Variants in ADGRL2 observed in about 807,000 individuals in gnomAD.
The protein encoded by ADGRL2 is adhesion G protein-coupled receptor L2, also known as calcium-independent alpha-latrotoxin receptor 2.
ADGRL2 carries 44 observed loss-of-function variants against 157.4 expected under a neutral mutation model. The ratio of observed to expected loss-of-function variants is 0.28; its 90% CI spans 0.22 to 0.36. ADGRL2 has a LOEUF of 0.36. ADGRL2 is among the 10% of genes least tolerant of loss of function. ADGRL2 has a pLI of 1.00. For synonymous variants in ADGRL2, 585 were observed against 624.7 expected (o/e 0.94, Z 0.95); for missense variants, 1,510 against 1,768.9 (o/e 0.85, Z 2.63).
At chr1:81,505,740 CAAAAAA>C (rs59062091) in intron 2 of ADGRL2, among the ~76,000 whole-genome samples, 56 of 85,072 alleles carry the variant, frequency 6.6e-4, no homozygotes, top group South Asian at 1.8e-3. Flanking sequence ...TGTCCTCCTG[CAAAAAA>C]AAAAAAAAAA....
chr1:81,700,701 T>C (rs2083549559), intron 1 of ADGRL2, among the ~76,000 whole-genome samples: 1 of 152,206 alleles, frequency 6.6e-6, no homozygotes, highest in Non-Finnish European at 1.5e-5. Flanking sequence ...CTGTTCTGTA[T>C]ACTCCAGAAG....
In ADGRL2 at chr1:81,967,341, C is replaced by A. The variant is rs539478113; in HGVS notation, c.2350-685C>A. On this transcript the variant is annotated intron_variant, in intron 13 of 23. Coordinates refer to ENST00000686636, the MANE Select transcript of ADGRL2 (RefSeq NM_001366006.2). ...CGGTGGCGCGATCTCGGCTCACTGC[C>A]AGCTCCACCTCCCGGGTTCACGCCA... Among the ~76,000 whole-genome samples the A allele has an allele frequency of 5.3e-5, 8 of 151,722 alleles. No individual in the cohort carries two copies. The South Asian group carries it at 1.0e-3, about 20-fold the overall frequency.
intron 1 of ADGRL2, among the ~76,000 whole-genome samples, chr1:81,730,347 GA>G (rs2084676636): frequency 6.6e-6 from 1 of 151,920 alleles, no homozygotes; most frequent in South Asian, 2.1e-4. Flanking sequence ...GAAATCTTTG[GA>G]AATAAAATTT....
At chr1:81,965,365 T>A (rs1366762943) in intron 11 of ADGRL2, among the ~76,000 whole-genome samples, 1 of 152,224 alleles carries the variant, frequency 6.6e-6, no homozygotes, top group Non-Finnish European at 1.5e-5. Context: ...ACAAATGGCA[T>A]GCCAGGCTTG....
At chr1:81,503,057 T>C in intron 2 of ADGRL2, 1 of 1,610,250 alleles carries the variant, frequency 6.2e-7, no homozygotes, top group East Asian at 2.2e-5. Flanking sequence ...CTGGAGCAGC[T>C]GCGGGAGCGG....
intron 1 of ADGRL2, among the ~76,000 whole-genome samples, chr1:81,834,204 C>T (rs950275081): frequency 2.0e-5 from 3 of 152,116 alleles, no homozygotes; most frequent in African/African-American, 7.2e-5. Flanking sequence ...ATCCTAAGCT[C>T]TTTGATGTTC....
Position 81,467,018 on chromosome 1 carries a change from A to G in ADGRL2, c.-248+21929A>G, listed in dbSNP as rs1043122953. Among the ~76,000 whole-genome samples, 5 of 149,510 alleles carry G rather than the reference A, an allele frequency of 3.3e-5. No individual in the cohort carries two copies. In the East Asian group the frequency reaches 1.0e-3, roughly 31 times the overall value. On this transcript the variant is annotated intron_variant, in intron 2 of 24. Coordinates refer to the ADGRL2 transcript ENST00000370721. ...TTCACACCAGCCCTTTGCAGCTGCC[A>G]CCTCTAAGAAAGCAAATAAGCTACA...
intron 2 of ADGRL2, among the ~76,000 whole-genome samples, chr1:81,845,954 A>T (rs1325201817): frequency 6.6e-6 from 1 of 151,932 alleles, no homozygotes; most frequent in African/African-American, 2.4e-5. Flanking sequence ...TTAAAAATGT[A>T]TATCTTGATC....
intron 1 of ADGRL2, among the ~76,000 whole-genome samples, chr1:81,338,157 GT>G (rs1661788303): frequency 6.6e-6 from 1 of 152,116 alleles, no homozygotes; most frequent in Admixed American, 6.5e-5. Context: ...GAGGTCAGAA[GT>G]TCGCGACCAG....
intron 2 of ADGRL2, among the ~76,000 whole-genome samples, chr1:81,848,644 A>T (rs1434770575): frequency 6.6e-6 from 1 of 151,974 alleles, no homozygotes; most frequent in Non-Finnish European, 1.5e-5. Flanking sequence ...ATGAAAAACT[A>T]TGTTAAGATT....
chr1:81,686,534 A>G (rs2083231735), intron 3 of ADGRL2, among the ~76,000 whole-genome samples: 2 of 152,080 alleles, frequency 1.3e-5, no homozygotes, highest in Admixed American at 1.3e-4. Context: ...CTTCTTAGTT[A>G]ATCTTGCTAA....
At chr1:81,744,176 T>G (rs2149235634) in intron 1 of ADGRL2, among the ~76,000 whole-genome samples, 1 of 152,270 alleles carries the variant, frequency 6.6e-6, no homozygotes, top group South Asian at 2.1e-4. Flanking sequence ...ACAAAAACAC[T>G]TGTGTTTCTA....
chr1:81,784,771 A>G (rs991922425), intron 2 of ADGRL2, among the ~76,000 whole-genome samples: 13 of 151,626 alleles, frequency 8.6e-5, no homozygotes. Flanking sequence ...GATGCTTACT[A>G]AGCATCAAGA....
At chr1:81,954,559 G>A (rs1287754679) in intron 10 of ADGRL2, among the ~76,000 whole-genome samples, 1 of 152,170 alleles carries the variant, frequency 6.6e-6, no homozygotes, top group Admixed American at 6.6e-5. Context: ...AGAGGCTCCA[G>A]TCTGTATTTC....
rs187520527 is a variant in ADGRL2, at chr1:81,951,861, C to T, written c.1609-96C>T. 2.5e-4 allele frequency: 241 copies of T among 955,024 alleles called. 2 individuals are homozygous for T. The African/African-American group carries it at 3.8e-3, about 15-fold the overall frequency. The allele number at this position is 955,024 out of a possible 1,614,324, so 59.2% of individuals were successfully genotyped here. A position where few individuals can be genotyped will look rare whatever the true frequency, so the allele number is the denominator to read the frequency against. On this transcript the variant is annotated intron_variant, in intron 8 of 23. Coordinates refer to ENST00000686636, the MANE Select transcript of ADGRL2 (RefSeq NM_001366006.2). ...AATTAGTTGGAGAATTTAACATTCGCAAATTTTTTTCACCACAATAAAGAT... is the reference window on the plus strand; with the variant it reads ...AATTAGTTGGAGAATTTAACATTCGTAAATTTTTTTCACCACAATAAAGAT...
intron 1 of ADGRL2, among the ~76,000 whole-genome samples, chr1:81,804,722 C>T (rs930994713): frequency 6.6e-6 from 1 of 152,126 alleles, no homozygotes; most frequent in Non-Finnish European, 1.5e-5. Context: ...CTTTTGGGGT[C>T]CCTTCAGTGT....
intron 2 of ADGRL2, among the ~76,000 whole-genome samples, chr1:81,524,108 C>T (rs2079392230): frequency 6.6e-6 from 1 of 152,046 alleles, no homozygotes; most frequent in Admixed American, 6.6e-5. Context: ...CGCCTGTAAT[C>T]CCAGCACTTT....
At chr1:81,486,394 C>T (rs1425021130) in intron 2 of ADGRL2, among the ~76,000 whole-genome samples, 1 of 152,164 alleles carries the variant, frequency 6.6e-6, no homozygotes, top group Middle Eastern at 3.4e-3. Context: ...CCTAAATTGT[C>T]TCTGAAGGCA....
chr1:81,777,546 G>A (rs766911696), intron 2 of ADGRL2, among the ~76,000 whole-genome samples: 55 of 152,124 alleles, frequency 3.6e-4, no homozygotes, highest in Non-Finnish European at 6.3e-4. Context: ...AGAGGCAGGT[G>A]AATTGCCTGA....
Sources: allele counts gnomAD v4.1 joint callset (sites outside exome capture counted in the v4.1 genomes callset), GRCh38; gene constraint gnomAD v4.1.1; transcripts MANE v1.5; gene names NCBI Gene and HGNC (gene_info 2026-07-23, HGNC 2026-07-21).